The following DMC1 variants were observed in gnomAD, a reference collection of about 807,000 sequenced individuals.
The protein encoded by DMC1 is DNA meiotic recombinase 1.
In DMC1, 27 loss-of-function variants were observed where a neutral mutation model predicts 50.1. The ratio of observed to expected loss-of-function variants is 0.54; its 90% CI spans 0.40 to 0.74. DMC1 has a LOEUF of 0.74. Ranked by LOEUF, DMC1 falls within the 30% of genes least tolerant of loss-of-function variation. DMC1 has a pLI of 0.00. For missense variants in DMC1, 295 were observed against 420.2 expected (o/e 0.70, Z 2.60); for synonymous variants, 148 against 136.1 (o/e 1.09, Z -0.61).
intron 6 of DMC1, 58 bp downstream of exon 6, chr22:38,555,279 TATGTGTATGTATACACATAG>T (rs1391310336): frequency 1.8e-5 from 16 of 877,352 alleles, no homozygotes; most frequent in Non-Finnish European, 2.4e-5. Context: ...TATTTAATTA[TATGTGTATGTATACACATAG>T]ATGTGTATGT....
In DMC1 at chr22:38,540,774, G is replaced by A. The variant is rs182135670; in HGVS notation, c.495-1362C>T. On this transcript the variant is annotated intron_variant, in intron 8 of 13. Coordinates refer to ENST00000216024, the MANE Select transcript of DMC1 (RefSeq NM_007068.4). ...GTAGATGTTTTTGGTGGACAAGTTAGACAGGGAATTGGAAGAGGCAATAAA... is the reference window on the plus strand; with the variant it reads ...GTAGATGTTTTTGGTGGACAAGTTAAACAGGGAATTGGAAGAGGCAATAAA... Among the ~76,000 whole-genome samples, 13 of 152,300 alleles carry A rather than the reference G, an allele frequency of 8.5e-5. No individual in the cohort carries two copies. In the East Asian group the frequency reaches 2.3e-3, roughly 27 times the overall value.
At chr22:38,517,588 AAAAAC>A (rs200799094), downstream of DMC1, among the ~76,000 whole-genome samples, 1,189 of 150,428 alleles carry the variant, frequency 7.9e-3, 10 homozygotes, top group Admixed American at 0.021. Flanking sequence ...AAACAAAACA[AAAAAC>A]AAAACAAAAC....
chr22:38,533,523 A>G (rs866572309), intron 12 of DMC1, among the ~76,000 whole-genome samples: 1 of 152,172 alleles, frequency 6.6e-6, no homozygotes, highest in African/African-American at 2.4e-5. Flanking sequence ...TTTCAATGTA[A>G]TTTACAGAAT....
In DMC1 at chr22:38,520,139, A is replaced by T. The variant is rs1214779809; in HGVS notation, c.954-50T>A. On this transcript the variant is annotated intron_variant, in intron 13 of 13. Coordinates refer to ENST00000216024, the MANE Select transcript of DMC1 (RefSeq NM_007068.4). ...GTTTATAAAAAGCTCTATTTCTATA[A>T]ATACTATATTCATGTCACAGGCATT... 5.6e-6 allele frequency: 8 copies of T among 1,438,540 alleles called. No individual in the cohort carries two copies. In the Admixed American group the frequency reaches 1.3e-4, roughly 24 times the overall value. The allele number at this position is 1,438,540 out of a possible 1,614,324, so 89.1% of individuals were successfully genotyped here. A position where few individuals can be genotyped will look rare whatever the true frequency, so the allele number is the denominator to read the frequency against.
chr22:38,546,327 T>A (rs1455779392), intron 8 of DMC1, among the ~76,000 whole-genome samples: 1 of 151,718 alleles, frequency 6.6e-6, no homozygotes, highest in African/African-American at 2.4e-5. Flanking sequence ...AGATGGAGGT[T>A]GTAGTGAGCC....
rs555875973 is a variant in DMC1 at position 38,568,892 on chromosome 22, A to T, written c.-33-603T>A. 4.6e-5 allele frequency among the ~76,000 whole-genome samples: 7 copies of T among 152,232 alleles called. No individual in the cohort carries two copies. The East Asian group carries it at 1.2e-3, about 25-fold the overall frequency. ...TATTTACTAGTTTCATGATTTTTTT[A>T]AGATTTAAAAATATGGTGGTCCGGG... On this transcript the variant is annotated intron_variant, in intron 1 of 13. Coordinates refer to ENST00000216024, the MANE Select transcript of DMC1 (RefSeq NM_007068.4).
chr22:38,525,273 G>A (rs1016548682), intron 12 of DMC1, among the ~76,000 whole-genome samples: 2 of 152,064 alleles, frequency 1.3e-5, no homozygotes, highest in Non-Finnish European at 2.9e-5. Flanking sequence ...GGTCCTTCTT[G>A]GACACAGATT....
chr22:38,561,932 A>C (rs1348664336), intron 5 of DMC1, among the ~76,000 whole-genome samples: 1 of 152,222 alleles, frequency 6.6e-6, no homozygotes, highest in Non-Finnish European at 1.5e-5. Context: ...TTTCTGAAAT[A>C]TTTAATCTAA....
intron 1 of DMC1, 66 bp from the exon 2 acceptor site, chr22:38,568,355 A>C (rs187935518): frequency 8.3e-7 from 1 of 1,202,630 alleles, no homozygotes; most frequent in Non-Finnish European, 1.2e-6. Flanking sequence ...TTTCATTTCA[A>C]AGTCAACAAG....
At chr22:38,521,554 C>G (rs1015592431) in intron 13 of DMC1, 54 bp downstream of exon 13, 10 of 898,366 alleles carry the variant, frequency 1.1e-5, no homozygotes, top group Non-Finnish European at 1.6e-5. Context: ...CACACACACA[C>G]ACACACACAC....
At chr22:38,544,926 C>T (rs1452553147) in intron 8 of DMC1, among the ~76,000 whole-genome samples, 3 of 152,006 alleles carry the variant, frequency 2.0e-5, no homozygotes, top group African/African-American at 7.2e-5. Context: ...GCCACTGCGC[C>T]CGGCAGCAAA....
the DMC1 span, among the ~76,000 whole-genome samples, chr22:38,513,565 T>C: frequency 6.6e-6 from 1 of 152,152 alleles, no homozygotes; most frequent in African/African-American, 2.4e-5. Context: ...TCTCTTTCTC[T>C]CTCTCTTTCT....
At chr22:38,509,665 T>A in the DMC1 span, among the ~76,000 whole-genome samples, 2 of 151,932 alleles carry the variant, frequency 1.3e-5, no homozygotes, top group Non-Finnish European at 1.5e-5. Flanking sequence ...TATGTAGCTT[T>A]TTTTGTTTTT....
chr22:38,537,447 C>T (rs978543418), intron 12 of DMC1, 145 bp downstream of exon 12: 5 of 703,848 alleles, frequency 7.1e-6, no homozygotes, highest in African/African-American at 1.8e-5. Flanking sequence ...CTCCTGACCT[C>T]GTGATCCGCC....
chr22:38,562,364 T>C lies in DMC1; in HGVS notation c.249A>G (p.Pro83=), dbSNP rs370159848. 1.2e-5 allele frequency: 19 copies of C among 1,607,664 alleles called. No homozygotes were observed. The African/African-American group carries it at 2.1e-4, about 18-fold the overall frequency. Residue 83 remains proline (P), a synonymous_variant, in exon 5 of 14, where the codon CCA becomes CCG. Transcript: ENST00000216024. The part of the protein sequence containing the change: ...IKEAANKLIE[P]GFLTAFEYSE... The stretch of plus-strand genomic sequence containing the variant: ...TATACTCAAATGCAGTCAAGAATCC[T>C]GGTTCCTACAGAAAGATAAAAGGAA...
At chr22:38,528,425 C>T (rs2090119448) in intron 12 of DMC1, among the ~76,000 whole-genome samples, 2 of 152,098 alleles carry the variant, frequency 1.3e-5, no homozygotes, top group African/African-American at 2.4e-5. Flanking sequence ...TGTTCACTTA[C>T]ATACATTTGT....
Position 38,520,136 on chromosome 22 carries a change from A to G in DMC1, c.954-47T>C, listed in dbSNP as rs374854867. The stretch of plus-strand genomic sequence containing the variant: ...GAAGTTTATAAAAAGCTCTATTTCT[A>G]TAAATACTATATTCATGTCACAGGC... On this transcript the variant is annotated intron_variant, in intron 13 of 13. Transcript: ENST00000216024. The G allele has an allele frequency of 2.8e-6, 4 of 1,437,732 alleles. No individual in the cohort carries two copies. In the Admixed American group the frequency reaches 5.0e-5, roughly 18 times the overall value. The allele number at this position is 1,437,732 out of a possible 1,614,324, so 89.1% of individuals were successfully genotyped here.
intron 13 of DMC1, among the ~76,000 whole-genome samples, chr22:38,521,135 C>CCAGTTAGGGAAA (rs2090020350): frequency 1.3e-5 from 2 of 152,024 alleles, no homozygotes; most frequent in South Asian, 4.2e-4. Flanking sequence ...GGAAAGGTTC[C>CCAGTTAGGGAAA]CTGAGAAAGT....
chr22:38,564,327 T>A (rs567326050), intron 4 of DMC1, among the ~76,000 whole-genome samples: 3 of 152,230 alleles, frequency 2.0e-5, no homozygotes, highest in African/African-American at 7.2e-5. Context: ...TTTTTTCTTT[T>A]GAGACAGAGT....
Sources: gnomAD v4.1 joint callset for allele counts (sites outside exome capture counted in the v4.1 genomes callset) on GRCh38, gnomAD v4.1.1 for gene constraint, MANE v1.5 for transcripts, NCBI Gene and HGNC (gene_info 2026-07-23, HGNC 2026-07-21) for gene names.